AMPH: variants seen among roughly 807,000 people sequenced by gnomAD.
The protein encoded by AMPH is amphiphysin.
A neutral mutation model predicts 99.1 loss-of-function variants in AMPH; 49 were observed. The observed-to-expected ratio is 0.49, with a 90% CI of 0.39 to 0.63. AMPH has a LOEUF of 0.63. Among genes scored for constraint, AMPH ranks in the 20% least tolerant of loss-of-function variants. The pLI is 0.00. For synonymous variants in AMPH, 314 were observed against 317.3 expected, an observed-to-expected ratio of 0.99 and a Z score of 0.11; for missense variants, 759 against 863.4, an observed-to-expected ratio of 0.88 and a Z score of 1.52.
At chr7:38,450,882 CA>C (rs1460021253) in intron 11 of AMPH, among the ~76,000 whole-genome samples, 11 of 149,908 alleles carry the variant, frequency 7.3e-5, no homozygotes, top group Non-Finnish European at 1.5e-4. Context: ...AAAGCCAATC[CA>C]AAACACTTTC....
intron 1 of AMPH, among the ~76,000 whole-genome samples, chr7:38,541,296 T>TA (rs1790802571): frequency 2.0e-5 from 1 of 50,342 alleles, no homozygotes; most frequent in African/African-American, 7.0e-5. Flanking sequence ...AAGTGCAGGG[T>TA]AGCTGCTTGT....
At chr7:38,564,521 G>A (rs916672676) in intron 1 of AMPH, among the ~76,000 whole-genome samples, 2 of 152,206 alleles carry the variant, frequency 1.3e-5, no homozygotes, top group East Asian at 1.9e-4. Flanking sequence ...GAGAGCTGGT[G>A]CCCAAAGACC....
At chr7:38,574,252 T>C (rs1364591141) in intron 1 of AMPH, among the ~76,000 whole-genome samples, 2 of 152,186 alleles carry the variant, frequency 1.3e-5, no homozygotes, top group Non-Finnish European at 2.9e-5. Context: ...AGCAGTCTGT[T>C]ATTCCCATTG....
At chr7:38,409,063 G>T (rs1026575050) in intron 17 of AMPH, among the ~76,000 whole-genome samples, 7 of 152,202 alleles carry the variant, frequency 4.6e-5, no homozygotes, top group Non-Finnish European at 7.3e-5. Flanking sequence ...TAAAGTAGAA[G>T]CAGCACTAGA....
At position 38,476,760 on chromosome 7, in the gene AMPH, T is replaced by C. The variant is rs114817202; in HGVS notation, c.504+102A>G. The C allele has an allele frequency of 3.4e-4, 261 of 756,756 alleles. 1 individual carries two copies. In the African/African-American group the frequency reaches 4.2e-3, roughly 12 times the overall value. 46.9% of individuals were successfully genotyped at this position (756,756 alleles called of 1,614,324 possible). A position where few individuals can be genotyped will look rare whatever the true frequency, so the allele number is the denominator to read the frequency against. Reference sequence around the variant, plus strand: ...TGTTTCAGTTTAAATTCTGTTCAGATTCCAATCTCCTTTTATAGAGGAGGC... The same window carrying C: ...TGTTTCAGTTTAAATTCTGTTCAGACTCCAATCTCCTTTTATAGAGGAGGC... On this transcript the variant is annotated intron_variant, in intron 6 of 20. Coordinates refer to ENST00000356264, the MANE Select transcript of AMPH (RefSeq NM_001635.4).
chr7:38,420,216 G>A (rs980677750), intron 16 of AMPH, among the ~76,000 whole-genome samples: 1 of 152,142 alleles, frequency 6.6e-6, no homozygotes, highest in Non-Finnish European at 1.5e-5. Context: ...TATAAAATCA[G>A]CTACCCAAAT....
chr7:38,472,790 T>C (rs10280220), intron 7 of AMPH, among the ~76,000 whole-genome samples: 29,819 of 152,202 alleles, frequency 0.2, 3,147 homozygotes, highest in Middle Eastern at 0.23. Context: ...TTCAAAAGCA[T>C]TGAAACATTT....
intron 1 of AMPH, among the ~76,000 whole-genome samples, chr7:38,562,648 C>T (rs1436690669): frequency 6.8e-6 from 1 of 146,666 alleles, no homozygotes; most frequent in Admixed American, 6.9e-5. Context: ...ATGATATGAG[C>T]ACAAAAAGAG....
At chr7:38,411,698 T>C (rs1407937745) in intron 17 of AMPH, among the ~76,000 whole-genome samples, 1 of 152,144 alleles carries the variant, frequency 6.6e-6, no homozygotes, top group African/African-American at 2.4e-5. Context: ...GTCTAAATTC[T>C]GATTTCTGGG....
intron 1 of AMPH, among the ~76,000 whole-genome samples, chr7:38,594,511 T>G (rs575129717): frequency 6.6e-6 from 1 of 152,262 alleles, no homozygotes; most frequent in African/African-American, 2.4e-5. Context: ...ATTGTCCTGT[T>G]TTATGGTTAA....
At chr7:38,422,581 TCTA>T in intron 15 of AMPH, 104 bp from the exon 16 acceptor site, 1 of 768,146 alleles carries the variant, frequency 1.3e-6, no homozygotes, top group African/African-American at 1.8e-5. Flanking sequence ...TATCTATCTA[TCTA>T]TCTATCTATC....
At chr7:38,555,117 G>C (rs1367410785) in intron 1 of AMPH, among the ~76,000 whole-genome samples, 1 of 152,136 alleles carries the variant, frequency 6.6e-6, no homozygotes, top group Non-Finnish European at 1.5e-5. Flanking sequence ...CCCATGTCAG[G>C]GCAAGAGTTA....
chr7:38,487,165 T>C (rs2129018137), intron 5 of AMPH, among the ~76,000 whole-genome samples: 1 of 152,094 alleles, frequency 6.6e-6, no homozygotes, highest in Non-Finnish European at 1.5e-5. Flanking sequence ...CCCGAAAGGC[T>C]CTACAAAAAA....
chr7:38,493,890 T>C (rs1354521199), intron 4 of AMPH, among the ~76,000 whole-genome samples: 1 of 152,102 alleles, frequency 6.6e-6, no homozygotes, highest in African/African-American at 2.4e-5. Flanking sequence ...AAAATGATAT[T>C]GTTATTTTGC....
chr7:38,568,292 C>T (rs542478531), intron 1 of AMPH, among the ~76,000 whole-genome samples: 6 of 152,134 alleles, frequency 3.9e-5, no homozygotes, highest in South Asian at 2.1e-4. Flanking sequence ...GGTGAAACCC[C>T]GTCTCTACTA....
At chr7:38,403,660 G>A (rs369911198) in intron 17 of AMPH, among the ~76,000 whole-genome samples, 10 of 152,336 alleles carry the variant, frequency 6.6e-5, no homozygotes, top group Middle Eastern at 3.4e-3. Flanking sequence ...GGCAGAGGCC[G>A]CCCCGAGGGA....
At chr7:38,467,696 GTA>G (rs10589115) in intron 7 of AMPH, among the ~76,000 whole-genome samples, 1 of 150,266 alleles carries the variant, frequency 6.7e-6, no homozygotes, top group Admixed American at 6.6e-5. Context: ...ATATATATGT[GTA>G]TATATATATA....
At chr7:38,622,322 T>C (rs1794098866) in intron 1 of AMPH, among the ~76,000 whole-genome samples, 1 of 152,152 alleles carries the variant, frequency 6.6e-6, no homozygotes, top group South Asian at 2.1e-4. Flanking sequence ...AAATGCATCA[T>C]TTTAAGAAAG....
intron 20 of AMPH, 26 bp from the exon 21 acceptor site, chr7:38,384,951 G>C: frequency 6.2e-7 from 1 of 1,602,046 alleles, no homozygotes; most frequent in East Asian, 2.2e-5. Context: ...AGAACTTTCA[G>C]GGTCCAGCAA....
Sources: allele counts gnomAD v4.1 joint callset (sites outside exome capture counted in the v4.1 genomes callset), GRCh38; gene constraint gnomAD v4.1.1; transcripts MANE v1.5; gene names NCBI Gene and HGNC (gene_info 2026-07-23, HGNC 2026-07-21).